The following DGKI variants were observed in gnomAD, a reference collection of about 807,000 sequenced individuals.
DGKI encodes the protein DAG kinase iota.
Under a neutral mutation model 147.5 loss-of-function variants are expected in DGKI, and 55 were observed. The observed-to-expected ratio is 0.37, with a 90% CI of 0.30 to 0.47. DGKI has a LOEUF of 0.47. DGKI is among the 20% of genes least tolerant of loss of function. DGKI has a pLI of 1.00. For synonymous variants in DGKI, 469 were observed against 477.1 expected (o/e 0.98, Z 0.22); for missense variants, 1,007 against 1,323.8 (o/e 0.76, Z 3.71).
At chr7:137,516,145 A>G (rs530756696) in intron 21 of DGKI, among the ~76,000 whole-genome samples, 2 of 152,048 alleles carry the variant, frequency 1.3e-5, no homozygotes, top group African/African-American at 4.8e-5. Context: ...ATTGATAGGG[A>G]AAAAAAATCA....
chr7:137,443,781 A>G (rs923599498), intron 28 of DGKI, among the ~76,000 whole-genome samples: 3 of 152,224 alleles, frequency 2.0e-5, no homozygotes, highest in Admixed American at 1.3e-4. Context: ...GCACAGGACT[A>G]GTCCAAAACC....
At chr7:137,700,585 T>C (rs1187929730) in intron 1 of DGKI, among the ~76,000 whole-genome samples, 1 of 152,132 alleles carries the variant, frequency 6.6e-6, no homozygotes, top group Non-Finnish European at 1.5e-5. Context: ...AGGTAAAAAA[T>C]AAAGTGCCAT....
At chr7:137,714,236 A>T (rs1348101204) in intron 1 of DGKI, among the ~76,000 whole-genome samples, 1 of 152,194 alleles carries the variant, frequency 6.6e-6, no homozygotes, top group Admixed American at 6.5e-5. Context: ...ATAAATTCAT[A>T]TCCTTTATAG....
At chr7:137,523,565 T>C (rs1440204820) in intron 20 of DGKI, among the ~76,000 whole-genome samples, 2 of 152,114 alleles carry the variant, frequency 1.3e-5, no homozygotes, top group Non-Finnish European at 2.9e-5. Flanking sequence ...TGAGGTTCAC[T>C]GGCTTAAAAA....
intron 10 of DGKI, among the ~76,000 whole-genome samples, chr7:137,601,371 C>T (rs181352305): frequency 1.2e-4 from 19 of 152,208 alleles, no homozygotes; most frequent in African/African-American, 4.6e-4. Context: ...TCACCCATAG[C>T]AAATAATATT....
At chr7:137,725,245 C>T (rs866255879) in intron 1 of DGKI, among the ~76,000 whole-genome samples, 8 of 152,212 alleles carry the variant, frequency 5.3e-5, no homozygotes, top group South Asian at 2.1e-4. Context: ...TGTCAACCTA[C>T]GGGAGAAGTG....
intron 2 of DGKI, 47 bp downstream of exon 2, chr7:137,689,847 C>T (rs757382981): frequency 6.2e-6 from 8 of 1,281,712 alleles, no homozygotes; most frequent in African/African-American, 3.1e-5. Flanking sequence ...ATGAGAGACA[C>T]AAAACATGCA....
chr7:137,839,150 C>T (rs2117101256), intron 1 of DGKI, among the ~76,000 whole-genome samples: 1 of 152,346 alleles, frequency 6.6e-6, no homozygotes, highest in South Asian at 2.1e-4. Flanking sequence ...CCTCCGCACA[C>T]TGACTGTGCC....
chr7:137,452,454 A>T (rs1814007454), intron 27 of DGKI, among the ~76,000 whole-genome samples: 1 of 152,190 alleles, frequency 6.6e-6, no homozygotes, highest in African/African-American at 2.4e-5. Flanking sequence ...TGCTCCTTCT[A>T]CACCCTACAC....
intron 1 of DGKI, among the ~76,000 whole-genome samples, chr7:137,803,062 GA>G (rs1339497260): frequency 1.4e-4 from 21 of 152,154 alleles, no homozygotes; most frequent in Admixed American, 1.4e-3. Context: ...GAATCCAGAG[GA>G]AAGGCCAGGG....
chr7:137,677,818 G>C (rs1023915842), intron 3 of DGKI, among the ~76,000 whole-genome samples: 1 of 152,058 alleles, frequency 6.6e-6, no homozygotes. Context: ...ACTATCCTAA[G>C]CTTCCCATTA....
chr7:137,710,871 A>G (rs945505909), intron 1 of DGKI, among the ~76,000 whole-genome samples: 1 of 152,186 alleles, frequency 6.6e-6, no homozygotes, highest in Admixed American at 6.5e-5. Context: ...GTTTTCTACA[A>G]CTAATAGATA....
At chr7:137,396,508 C>A (rs766121932) in intron 31 of DGKI, among the ~76,000 whole-genome samples, 3 of 152,208 alleles carry the variant, frequency 2.0e-5, no homozygotes, top group Non-Finnish European at 4.4e-5. Flanking sequence ...TTAGAGAAGG[C>A]AAAATGGGGT....
At position 137,521,867 on chromosome 7, in the gene DGKI, A is replaced by G. The variant is rs147896244; in HGVS notation, c.2247T>C (p.Ala749=). ...ATCAATGAGGCACTTCCAACTTACA[A>G]GCTTCTCGGAGTTTCTCCTTGTCAT... The part of the protein sequence containing the change: ...FHYDKEKLRE[A]SIPLGILVVR... Residue 749 remains alanine (A), a splice_region_variant and synonymous_variant, in exon 21 of 33, where the codon GCT becomes GCC. Coordinates refer to ENST00000614521, the MANE Select transcript of DGKI (RefSeq NM_001321708.2). 1.2e-5 allele frequency: 19 copies of G among 1,608,856 alleles called. No individual in the cohort carries two copies. Among genetic ancestry groups the G allele is most frequent in the African/African-American group, 1.1e-4 (8 of 74,822 alleles).
chr7:137,838,003 T>TA (rs1287684747), intron 1 of DGKI, among the ~76,000 whole-genome samples: 1 of 145,778 alleles, frequency 6.9e-6, no homozygotes, highest in African/African-American at 2.6e-5. Context: ...GAAACTTTTT[T>TA]TTTTTTTTTT....
chr7:137,833,724 C>T (rs148452912), intron 1 of DGKI, among the ~76,000 whole-genome samples: 414 of 152,262 alleles, frequency 2.7e-3, no homozygotes, highest in African/African-American at 9.3e-3. Context: ...GTCGTCCAAG[C>T]TCAAGTCATA....
chr7:137,441,862 G>T (rs1813523350), intron 28 of DGKI, among the ~76,000 whole-genome samples: 2 of 152,126 alleles, frequency 1.3e-5, no homozygotes, highest in African/African-American at 4.8e-5. Flanking sequence ...CAAGTGTGTT[G>T]CAATGCCATT....
intron 3 of DGKI, 30 bp from the exon 4 acceptor site, chr7:137,656,570 G>A: frequency 6.2e-7 from 1 of 1,609,052 alleles, no homozygotes; most frequent in East Asian, 2.2e-5. Flanking sequence ...AGACAAAAAA[G>A]AAATGTTAAC....
intron 20 of DGKI, among the ~76,000 whole-genome samples, chr7:137,539,482 G>A (rs1817619589): frequency 6.6e-6 from 1 of 151,968 alleles, no homozygotes; most frequent in Non-Finnish European, 1.5e-5. Context: ...ATAGACTTTG[G>A]GAACTGAACT....
Sources: allele counts gnomAD v4.1 joint callset (sites outside exome capture counted in the v4.1 genomes callset), GRCh38; gene constraint gnomAD v4.1.1; transcripts MANE v1.5; gene names NCBI Gene and HGNC (gene_info 2026-07-23, HGNC 2026-07-21).